The following LRFN5 variants were observed in gnomAD, a reference collection of about 807,000 sequenced individuals.
LRFN5 encodes the protein leucine-rich repeat and fibronectin type-III domain-containing protein 5.
LRFN5 carries 24 observed loss-of-function variants against 45.6 expected under a neutral mutation model. That is an observed-to-expected ratio of 0.53 (90% confidence interval 0.38 to 0.74). The LOEUF (loss-of-function observed/expected upper bound fraction) is 0.74. Ranked by LOEUF, LRFN5 falls within the 30% of genes least tolerant of loss-of-function variation. The pLI is 0.00. For missense variants in LRFN5, 776 were observed against 861.5 expected (o/e 0.90, Z 1.24); for synonymous variants, 340 against 313.8 (o/e 1.08, Z -0.88).
chr14:41,866,130 G>A (rs1468481121), intron 2 of LRFN5, among the ~76,000 whole-genome samples: 1 of 152,018 alleles, frequency 6.6e-6, no homozygotes, highest in Admixed American at 6.6e-5. Flanking sequence ...CAATTTCAAG[G>A]CCACAACAAT....
chr14:41,644,389 T>A (rs1341622715), intron 1 of LRFN5, among the ~76,000 whole-genome samples: 1 of 152,226 alleles, frequency 6.6e-6, no homozygotes, highest in Non-Finnish European at 1.5e-5. Flanking sequence ...TTTATGTTGC[T>A]TTCACTAACT....
chr14:41,834,943 A>G (rs1888610364), intron 2 of LRFN5, among the ~76,000 whole-genome samples: 1 of 151,958 alleles, frequency 6.6e-6, no homozygotes, highest in South Asian at 2.1e-4. Context: ...GATTACAGTC[A>G]TGAGCCACCA....
chr14:41,857,328 T>C lies in LRFN5; in HGVS notation c.-20-29278T>C, dbSNP rs1301469455. 3.3e-5 allele frequency among the ~76,000 whole-genome samples: 5 copies of C among 152,172 alleles called. 1 individual carries two copies. The highest frequency in any genetic ancestry group is 7.2e-5 in the African/African-American group (3 of 41,432). On this transcript the variant is annotated intron_variant, in intron 2 of 5. Coordinates refer to ENST00000298119, the MANE Select transcript of LRFN5 (RefSeq NM_152447.5). ...GCCCAGATCTCACAATTTTAACTTA[T>C]TTAATAATACTGTTTCCCTGGAAAC...
chr14:41,849,568 T>C (rs1889192385), intron 2 of LRFN5, among the ~76,000 whole-genome samples: 1 of 152,010 alleles, frequency 6.6e-6, no homozygotes, highest in Non-Finnish European at 1.5e-5. Context: ...CCTTTCTATA[T>C]ATTCTCCTAC....
At chr14:41,675,212 A>T (rs1346367422) in intron 1 of LRFN5, among the ~76,000 whole-genome samples, 4 of 152,216 alleles carry the variant, frequency 2.6e-5, no homozygotes, top group African/African-American at 4.8e-5. Flanking sequence ...GCGGCCAGGC[A>T]GAGGCTGCAA....
chr14:41,814,130 T>C (rs977912321), intron 2 of LRFN5, among the ~76,000 whole-genome samples: 2 of 152,172 alleles, frequency 1.3e-5, no homozygotes, highest in African/African-American at 4.8e-5. Context: ...ACTCTGATGA[T>C]AGTTTCTTTT....
At chr14:41,868,186 C>T (rs1889902224) in intron 2 of LRFN5, among the ~76,000 whole-genome samples, 1 of 152,056 alleles carries the variant, frequency 6.6e-6, no homozygotes, top group African/African-American at 2.4e-5. Flanking sequence ...CATAGCCCTT[C>T]AAAAGCTCAT....
chr14:41,822,150 T>C (rs1414910381), intron 2 of LRFN5, among the ~76,000 whole-genome samples: 2 of 151,972 alleles, frequency 1.3e-5, no homozygotes, highest in Non-Finnish European at 2.9e-5. Flanking sequence ...TTCATCTCAA[T>C]TTTATTGAAT....
chr14:41,673,373 G>C (rs1303395539), intron 1 of LRFN5, among the ~76,000 whole-genome samples: 2 of 145,822 alleles, frequency 1.4e-5, no homozygotes, highest in Non-Finnish European at 3.0e-5. Context: ...CCCGGACGGG[G>C]CGGCTGGCCG....
chr14:41,801,166 G>T (rs12893555), intron 2 of LRFN5, among the ~76,000 whole-genome samples: 22,798 of 151,778 alleles, frequency 0.15, 1,850 homozygotes, highest in Non-Finnish European at 0.18. Flanking sequence ...TTAGTTTCTC[G>T]TACTTAGCAC....
chr14:41,812,579 C>A (rs1887772545), intron 2 of LRFN5, among the ~76,000 whole-genome samples: 1 of 151,694 alleles, frequency 6.6e-6, no homozygotes, highest in African/African-American at 2.4e-5. Context: ...TTTGTAACTT[C>A]AGCCACATGT....
chr14:41,853,350 T>A (rs1889339704), intron 2 of LRFN5, among the ~76,000 whole-genome samples: 1 of 151,856 alleles, frequency 6.6e-6, no homozygotes, highest in Non-Finnish European at 1.5e-5. Flanking sequence ...AGTGGGAAAT[T>A]AAGCATTTCA....
At chr14:41,677,902 A>G (rs558313692) in intron 1 of LRFN5, among the ~76,000 whole-genome samples, 2 of 152,226 alleles carry the variant, frequency 1.3e-5, no homozygotes, top group South Asian at 4.1e-4. Flanking sequence ...AACCCTAAGT[A>G]TGATAAATTC....
intron 2 of LRFN5, among the ~76,000 whole-genome samples, chr14:41,805,498 T>C (rs1182082987): frequency 4.6e-5 from 7 of 151,538 alleles, no homozygotes; most frequent in Admixed American, 4.0e-4. Flanking sequence ...GTTGGTGTGC[T>C]GCACCCACTA....
chr14:41,787,640 A>G (rs1402154873), intron 2 of LRFN5, among the ~76,000 whole-genome samples: 2 of 152,002 alleles, frequency 1.3e-5, no homozygotes, highest in Non-Finnish European at 1.5e-5. Flanking sequence ...TTATAAGTTC[A>G]TAAATATTTT....
chr14:41,831,322 G>A (rs1436128691), intron 2 of LRFN5, among the ~76,000 whole-genome samples: 1 of 152,050 alleles, frequency 6.6e-6, no homozygotes. Flanking sequence ...TTTATGAATA[G>A]GAGAATGAGT....
intron 2 of LRFN5, among the ~76,000 whole-genome samples, chr14:41,786,245 T>C (rs916044401): frequency 2.0e-5 from 3 of 152,186 alleles, no homozygotes; most frequent in Non-Finnish European, 2.9e-5. Context: ...TATGACTTCG[T>C]TCTATCTAGT....
chr14:41,755,274 A>T (rs570490357), intron 1 of LRFN5, among the ~76,000 whole-genome samples: 1 of 152,202 alleles, frequency 6.6e-6, no homozygotes, highest in Admixed American at 6.5e-5. Context: ...GTAGATGTCT[A>T]TTAGGTCCGC....
chr14:41,893,964 A>G (rs954277671), intron 4 of LRFN5: 1 of 985,134 alleles, frequency 1.0e-6, no homozygotes, highest in Non-Finnish European at 1.2e-6. Flanking sequence ...ATATATTTTC[A>G]GTACTATTAA....
Sources: allele counts gnomAD v4.1 joint callset (sites outside exome capture counted in the v4.1 genomes callset), GRCh38; gene constraint gnomAD v4.1.1; transcripts MANE v1.5; gene names NCBI Gene and HGNC (gene_info 2026-07-23, HGNC 2026-07-21).